The following IFNL1 variants were observed in gnomAD, a reference collection of about 807,000 sequenced individuals.
IFNL1 encodes the protein interferon lambda-1.
IFNL1 carries 16 observed loss-of-function variants against 17.1 expected under a neutral mutation model. That is an observed-to-expected ratio of 0.93 (90% CI 0.63 to 1.42). The LOEUF (loss-of-function observed/expected upper bound fraction) is 1.42. IFNL1 is among the 40% of genes most tolerant of loss of function. The pLI is 0.00. For synonymous variants in IFNL1, 104 were observed against 111.4 expected (o/e 0.93, Z 0.42); for missense variants, 262 against 249.4 (o/e 1.05, Z -0.34).
rs1568564941 is a variant in IFNL1, at chr19:39,298,055, T to C, written c.341T>C (p.Leu114Pro). Residue 114 changes from leucine to proline, a missense_variant, in exon 3 of 5, where the codon CTA (leucine) becomes CCA (proline). Coordinates refer to ENST00000333625, the MANE Select transcript of IFNL1 (RefSeq NM_172140.2). ...GCTGGCCCAGCCCTGGAGGACGTCC[T>C]AGACCAGCCCCTTCACACCCTGCAC... Reference protein sequence around the residue: ...AAAGPALEDVLDQPLHTLHHI... With the variant: ...AAAGPALEDVPDQPLHTLHHI... 1.2e-6 allele frequency: 2 copies of C among 1,614,184 alleles called. No individual in the cohort carries two copies. Among genetic ancestry groups the C allele is most frequent in the Admixed American group, 1.7e-5 (1 of 60,020 alleles).
At chr19:39,297,295 C>T (rs532370969) in intron 2 of IFNL1, among the ~76,000 whole-genome samples, 1 of 151,072 alleles carries the variant, frequency 6.6e-6, no homozygotes, top group Admixed American at 6.6e-5. Flanking sequence ...ATGCTCCCCC[C>T]TCATCCACCC....
At chr19:39,297,338 A>C (rs1288473319) in intron 2 of IFNL1, among the ~76,000 whole-genome samples, 1 of 62,734 alleles carries the variant, frequency 1.6e-5, no homozygotes, top group Non-Finnish European at 2.9e-5. Flanking sequence ...TTTTTTTTTG[A>C]GACAGAGTCT....
At chr19:39,298,326 G>A (rs377044928) in intron 4 of IFNL1, 30 bp downstream of exon 4, 2 of 1,614,064 alleles carry the variant, frequency 1.2e-6, no homozygotes, top group Non-Finnish European at 1.7e-6. Context: ...AAGGACCAGG[G>A]TCTGGGGAGC....
In IFNL1 at chr19:39,298,565, T is replaced by C; in HGVS notation, c.*49T>C. The stretch of plus-strand genomic sequence containing the variant: ...TGAGCCCTACTCCTTCCTTAATTTA[T>C]TTCCTCTCACCCTTTATTTATGAAG... On this transcript the variant is annotated 3_prime_UTR_variant, in exon 5 of 5. Transcript: ENST00000333625. 1 of 1,605,082 alleles carries C rather than the reference T, an allele frequency of 6.2e-7. No individual in the cohort carries two copies. Among genetic ancestry groups the C allele is most frequent in the Non-Finnish European group, 8.5e-7 (1 of 1,173,546 alleles).
At position 39,296,851 on chromosome 19, in the gene IFNL1, TC is replaced by T; in HGVS notation, c.222del (p.Asn76IlefsTer4). 2 of 1,614,082 alleles carry T rather than the reference TC, an allele frequency of 1.2e-6. No individual in the cohort carries two copies. Among genetic ancestry groups the T allele is most frequent in the Non-Finnish European group, 1.7e-6 (2 of 1,179,986 alleles). ...AACTGGAGTTGCAGCTCTCCTGTCTTCCCCGGGAATTGGGACCTGAGGCTTC... is the reference window on the plus strand; with the variant it reads ...AACTGGAGTTGCAGCTCTCCTGTCTTCCCGGGAATTGGGACCTGAGGCTTC... ...LKNWSCSSPV[F>X]PGNWDLRLLQ... On this transcript the variant is annotated frameshift_variant, in exon 2 of 5. Coordinates refer to ENST00000333625, the MANE Select transcript of IFNL1 (RefSeq NM_172140.2). LOFTEE classifies it high-confidence loss of function.
In IFNL1 at chr19:39,296,545, C is replaced by T. The variant is rs772112795; in HGVS notation, c.124C>T (p.Leu42=). 49 of 1,613,836 alleles carry T rather than the reference C, an allele frequency of 3.0e-5. No individual in the cohort carries two copies. In the South Asian group the frequency reaches 5.1e-4, roughly 17 times the overall value. The change falls in exon 1 of 5, where the codon CTG becomes TTG. Residue 42 remains leucine (L), a synonymous_variant. Coordinates refer to ENST00000333625, the MANE Select transcript of IFNL1 (RefSeq NM_172140.2). The part of the protein sequence containing the change: ...KGCHIGRFKS[L]SPQELASFKK... ...CTGCCACATTGGCAGGTTCAAATCTCTGTCACCACAGGAGCTAGCGAGCTT... is the reference window on the plus strand; with the variant it reads ...CTGCCACATTGGCAGGTTCAAATCTTTGTCACCACAGGAGCTAGCGAGCTT...
At position 39,298,512 on chromosome 19, in the gene IFNL1, C is replaced by T. The variant is rs764666666; in HGVS notation, c.599C>T (p.Thr200Ile). ...AGAACGTCAACCCACCCTGAGTCCACCTGACACCCCACACCTTATTTATGC... is the reference window on the plus strand; with the variant it reads ...AGAACGTCAACCCACCCTGAGTCCATCTGACACCCCACACCTTATTTATGC... ...CLRTSTHPES[T>I] Residue 200 changes from threonine (T) to isoleucine (I), a missense_variant, in exon 5 of 5, where the codon ACC becomes ATC. By Grantham distance (89) the Thr-to-Ile change is moderately conservative. Coordinates refer to ENST00000333625, the MANE Select transcript of IFNL1 (RefSeq NM_172140.2). 18 of 1,614,066 alleles carry T rather than the reference C, an allele frequency of 1.1e-5. No homozygotes were observed. In the East Asian group the frequency reaches 3.8e-4, roughly 34 times the overall value.
Position 39,298,452 on chromosome 19 carries a change from A to T in IFNL1, c.539A>T (p.Asp180Val), listed in dbSNP as rs767771747. Residue 180 changes from aspartate to valine, a missense_variant, in exon 5 of 5, where the codon GAC becomes GTC. By Grantham distance (152) the Asp-to-Val change is radical. Transcript: ENST00000333625. ...TFNLFRLLTRDLKYVADGNLC... is the reference protein window; with the variant it reads ...TFNLFRLLTRVLKYVADGNLC... ...AACCTCTTCCGCCTCCTCACGCGAG[A>T]CCTCAAATATGTGGCCGATGGGAAC... The T allele has an allele frequency of 6.2e-7, 1 of 1,614,108 alleles. No homozygotes were observed. Among genetic ancestry groups the T allele is most frequent in the South Asian group, 1.1e-5 (1 of 91,074 alleles).
In IFNL1 at chr19:39,298,071, C is replaced by T. The variant is rs774444918; in HGVS notation, c.357C>T (p.His119=). Residue 119 remains histidine, a synonymous_variant, in exon 3 of 5, where the codon CAC becomes CAT. Transcript: ENST00000333625. ...AGGACGTCCTAGACCAGCCCCTTCA[C>T]ACCCTGCACCACATCCTCTCCCAGC... ...ALEDVLDQPL[H]TLHHILSQLQ... 1.5e-5 allele frequency: 24 copies of T among 1,614,090 alleles called. No homozygotes were observed. In the Admixed American group the frequency reaches 2.7e-4, roughly 18 times the overall value.
Position 39,298,275 on chromosome 19 carries a change from G to C in IFNL1, c.456G>C (p.Arg152=), listed in dbSNP as rs761544565. 6.2e-7 allele frequency: 1 copy of C among 1,614,060 alleles called. No homozygotes were observed. The highest frequency in any genetic ancestry group is 1.7e-5 in the Admixed American group (1 of 60,010). Residue 152 remains arginine (R), a synonymous_variant, in exon 4 of 5, where the codon CGG becomes CGC. Transcript: ENST00000333625. ...PRGRLHHWLH[R]LQEAPKKESA... ...GCCGCCTCCACCACTGGCTGCACCGGCTCCAGGAGGCCCCCAAAAAGGTGA... is the reference window on the plus strand; with the variant it reads ...GCCGCCTCCACCACTGGCTGCACCGCCTCCAGGAGGCCCCCAAAAAGGTGA...
chr19:39,297,904 C>A (rs1158449902), intron 2 of IFNL1, 60 bp from the exon 3 acceptor site: 2 of 1,604,606 alleles, frequency 1.2e-6, no homozygotes, highest in African/African-American at 2.7e-5. Context: ...CCTACCTGTC[C>A]CCACTAACTG....
At position 39,298,578 on chromosome 19, in the gene IFNL1, T is replaced by G; in HGVS notation, c.*62T>G. The G allele has an allele frequency of 6.3e-7, 1 of 1,588,010 alleles. No homozygotes were observed. The highest frequency in any genetic ancestry group is 8.6e-7 in the Non-Finnish European group (1 of 1,161,312). On this transcript the variant is annotated 3_prime_UTR_variant, in exon 5 of 5. Transcript: ENST00000333625. ...TTCCTTAATTTATTTCCTCTCACCC[T>G]TTATTTATGAAGCTGCAGCCCTGAC...
chr19:39,298,385 C>G lies in IFNL1; in HGVS notation c.478-6C>G. On this transcript the variant is annotated splice_region_variant and splice_polypyrimidine_tract_variant and intron_variant, in intron 4 of 4. Transcript: ENST00000333625. ...AGCCCCTGACCCATCCCCTCCTCCCCTACAGGAGTCCGCTGGCTGCCTGGA... is the reference window on the plus strand; with the variant it reads ...AGCCCCTGACCCATCCCCTCCTCCCGTACAGGAGTCCGCTGGCTGCCTGGA... 5.6e-6 allele frequency: 9 copies of G among 1,614,232 alleles called. No homozygotes were observed. The highest frequency in any genetic ancestry group is 6.8e-6 in the Non-Finnish European group (8 of 1,180,036).
intron 1 of IFNL1, 76 bp from the exon 2 acceptor site, chr19:39,296,729 G>A: frequency 1.3e-6 from 2 of 1,513,198 alleles, no homozygotes; most frequent in Non-Finnish European, 9.1e-7. Context: ...ATGCTGTCAG[G>A]CCAACTTCAT....
intron 2 of IFNL1, among the ~76,000 whole-genome samples, chr19:39,297,543 A>C (rs950321202): frequency 2.0e-4 from 31 of 151,226 alleles, no homozygotes; most frequent in Admixed American, 1.9e-3. Flanking sequence ...TGGTCTCGAA[A>C]TCCTGACCTC....
chr19:39,297,809 T>C (rs1446961523), intron 2 of IFNL1, among the ~76,000 whole-genome samples, 155 bp from the exon 3 acceptor site: 1 of 151,408 alleles, frequency 6.6e-6, no homozygotes, highest in Admixed American at 6.6e-5. Context: ...TCCTTCCTCA[T>C]GTCTTCCCCC....
chr19:39,298,021 G>A lies in IFNL1; in HGVS notation c.307G>A (p.Glu103Lys). 1 of 1,614,186 alleles carries A rather than the reference G, an allele frequency of 6.2e-7. No homozygotes were observed. Among genetic ancestry groups the A allele is most frequent in the Non-Finnish European group, 8.5e-7 (1 of 1,180,036 alleles). The change falls in exon 3 of 5, where the codon GAG (glutamate) becomes AAG (lysine). Residue 103 changes from glutamate to lysine, a missense_variant. Transcript: ENST00000333625. ...GCTGGCCCTGACGCTGAAGGTCCTG[G>A]AGGCCGCTGCTGGCCCAGCCCTGGA... ...AELALTLKVLEAAAGPALEDV... is the reference protein window; with the variant it reads ...AELALTLKVLKAAAGPALEDV...
chr19:39,297,572 G>A (rs148406678), intron 2 of IFNL1, among the ~76,000 whole-genome samples: 3,442 of 151,788 alleles, frequency 0.023, 64 homozygotes, highest in Middle Eastern at 0.065. Context: ...CACCCGCCTC[G>A]GCCTCCCAAA....
At chr19:39,297,051 C>A (rs973233558) in intron 2 of IFNL1, among the ~76,000 whole-genome samples, 169 bp downstream of exon 2, 1 of 152,112 alleles carries the variant, frequency 6.6e-6, no homozygotes, top group Non-Finnish European at 1.5e-5. Flanking sequence ...CTGTCCTTCC[C>A]CTGGGTCCCT....
Sources: gnomAD v4.1 joint callset for allele counts (sites outside exome capture counted in the v4.1 genomes callset) on GRCh38, gnomAD v4.1.1 for gene constraint, MANE v1.5 for transcripts, NCBI Gene and HGNC (gene_info 2026-07-23, HGNC 2026-07-21) for gene names.